ROBO3: variants seen among roughly 807,000 people sequenced by gnomAD.
The protein encoded by ROBO3 is roundabout guidance receptor 3.
A neutral mutation model predicts 160.5 loss-of-function variants in ROBO3; 97 were observed. That is an observed-to-expected ratio of 0.60 (90% CI 0.51 to 0.72). ROBO3 has a LOEUF of 0.72. Among genes scored for constraint, ROBO3 ranks in the 30% least tolerant of loss-of-function variants. The pLI is 0.00. For missense variants in ROBO3, 1,858 were observed against 1,846.5 expected, an observed-to-expected ratio of 1.01 and a Z score of -0.11; for synonymous variants, 780 against 746.2, an observed-to-expected ratio of 1.05 and a Z score of -0.74.
At chr11:124,868,387 C>A (rs1160859838) in intron 1 of ROBO3, 15 of 468,392 alleles carry the variant, frequency 3.2e-5, no homozygotes, top group Non-Finnish European at 5.4e-5. Flanking sequence ...GGTTTATGGT[C>A]TTTCACTGAG....
chr11:124,876,108 C>A lies in ROBO3; in HGVS notation c.2576C>A (p.Pro859Gln). The part of the protein sequence containing the change: ...TSAGVGVPSA[P>Q]VLVQLPSPPD... Reference sequence around the variant, plus strand: ...GCAGGCGTGGGCGTGCCCAGTGCCCCAGTGCTGGTGCAGCTGCGTGAGTCC... The same window carrying A: ...GCAGGCGTGGGCGTGCCCAGTGCCCAAGTGCTGGTGCAGCTGCGTGAGTCC... The change falls in exon 16 of 28, where the codon CCA becomes CAA. Residue 859 changes from proline (P) to glutamine (Q), a missense_variant. Coordinates refer to ENST00000397801, the MANE Select transcript of ROBO3 (RefSeq NM_022370.4). The surrounding 1 kb of genome is among the most constrained non-coding windows in gnomAD (Gnocchi z 5.3). 1 of 1,604,932 alleles carries A rather than the reference C, an allele frequency of 6.2e-7. No individual in the cohort carries two copies. Among genetic ancestry groups the A allele is most frequent in the Non-Finnish European group, 8.5e-7 (1 of 1,178,594 alleles).
Position 124,870,156 on chromosome 11 carries a change from A to G in ROBO3, c.767-9A>G. The G allele has an allele frequency of 6.2e-7, 1 of 1,613,806 alleles. No individual in the cohort carries two copies. The highest frequency in any genetic ancestry group is 8.5e-7 in the Non-Finnish European group (1 of 1,179,854). Reference sequence around the variant, plus strand: ...ACACCCTGACTGTTCACTCACTACCACTCCATAGAGCGTCCCTCATTCCTG... The same window carrying G: ...ACACCCTGACTGTTCACTCACTACCGCTCCATAGAGCGTCCCTCATTCCTG... On this transcript the variant is annotated splice_polypyrimidine_tract_variant and intron_variant, in intron 4 of 27. Transcript: ENST00000397801.
Position 124,876,379 on chromosome 11 carries a change from G to T in ROBO3, c.2698G>T (p.Ala900Ser). 6.9e-7 allele frequency: 1 copy of T among 1,445,092 alleles called. No individual in the cohort carries two copies. The highest frequency in any genetic ancestry group is 1.4e-5 in the South Asian group (1 of 71,120). 89.5% of individuals were successfully genotyped at this position (1,445,092 alleles called of 1,614,324 possible). ...EPAFLAGSGA[A>S]CGALLLGLCA... Reference sequence around the variant, plus strand: ...CGCCTTCCTCGCGGGCAGCGGCGCAGCCTGCGGGGCGCTGCTTCTCGGGCT... The same window carrying T: ...CGCCTTCCTCGCGGGCAGCGGCGCATCCTGCGGGGCGCTGCTTCTCGGGCT... Residue 900 changes from alanine (A) to serine (S), a missense_variant, in exon 17 of 28, where the codon GCC (alanine) becomes TCC (serine). Ala to Ser is a moderately conservative substitution (Grantham distance 99, BLOSUM62 1). Coordinates refer to ENST00000397801, the MANE Select transcript of ROBO3 (RefSeq NM_022370.4). This position sits in a 1 kb window ranked among gnomAD's most constrained non-coding sequence, Gnocchi z 5.3.
In ROBO3 at chr11:124,874,872, T is replaced by C. The variant is rs1159791393; in HGVS notation, c.2036T>C (p.Ile679Thr). 6.2e-7 allele frequency: 1 copy of C among 1,602,558 alleles called. No individual in the cohort carries two copies. Among genetic ancestry groups the C allele is most frequent in the Non-Finnish European group, 8.5e-7 (1 of 1,174,744 alleles). Residue 679 changes from isoleucine (I) to threonine (T), a missense_variant, in exon 13 of 28, where the codon ATA becomes ACA. Transcript: ENST00000397801. Reference sequence around the variant, plus strand: ...GTGGCTGTGCGCCTGCAGGAGCCCATAGTCCTGGGACCCCGGACCCTGCAG... The same window carrying C: ...GTGGCTGTGCGCCTGCAGGAGCCCACAGTCCTGGGACCCCGGACCCTGCAG... ...AEVAVRLQEP[I>T]VLGPRTLQVS...
At position 124,876,874 on chromosome 11, in the gene ROBO3, T is replaced by C. The variant is rs11219823; in HGVS notation, c.2780-287T>C. The C allele has an allele frequency of 0.37, 211,752 of 565,020 alleles. 43,925 individuals carry two copies. Among genetic ancestry groups the C allele is most frequent in the Non-Finnish European group, 0.45 (141,675 of 317,452 alleles). The allele number at this position is 565,020 out of a possible 1,614,324, so 35.0% of individuals were successfully genotyped here. A position where few individuals can be genotyped will look rare whatever the true frequency, so the allele number is the denominator to read the frequency against. ...GGCGGGGCCCGCTGAAAGAAGGCGA[T>C]CCGAGTTCTGCTACTTCCTAGTAAG... On this transcript the variant is annotated intron_variant, in intron 17 of 27. Coordinates refer to ENST00000397801, the MANE Select transcript of ROBO3 (RefSeq NM_022370.4). This position sits in a 1 kb window ranked among gnomAD's most constrained non-coding sequence, Gnocchi z 5.3.
chr11:124,868,979 C>G lies in ROBO3; in HGVS notation c.338C>G (p.Ala113Gly), dbSNP rs1212808083. ...RVATVREDPR[A>G]HRLLLPSGAL... is the part of the protein sequence containing the mutation. Reference sequence around the variant, plus strand: ...GCCACTGTGCGGGAGGATCCGCGTGCGCACCGCCTGCTGCTGCCCAGCGGC... The same window carrying G: ...GCCACTGTGCGGGAGGATCCGCGTGGGCACCGCCTGCTGCTGCCCAGCGGC... The change falls in exon 2 of 28, where the codon GCG becomes GGG. Residue 113 changes from alanine to glycine, a missense_variant. Transcript: ENST00000397801. 2 of 1,602,286 alleles carry G rather than the reference C, an allele frequency of 1.2e-6. No homozygotes were observed. The highest frequency in any genetic ancestry group is 1.7e-6 in the Non-Finnish European group (2 of 1,175,332).
Position 124,876,556 on chromosome 11 carries a change from T to C in ROBO3, c.2779+96T>C. The C allele has an allele frequency of 9.0e-7, 1 of 1,111,550 alleles. No individual in the cohort carries two copies. The highest frequency in any genetic ancestry group is 1.2e-6 in the Non-Finnish European group (1 of 851,814). 68.9% of individuals were successfully genotyped at this position (1,111,550 alleles called of 1,614,324 possible). On this transcript the variant is annotated intron_variant, in intron 17 of 27. Transcript: ENST00000397801. This position sits in a 1 kb window ranked among gnomAD's most constrained non-coding sequence, Gnocchi z 5.3. Reference sequence around the variant, plus strand: ...TAGCCGCTGGCGAGTGAGGACCGGGTCGGGAGAAAGGGGTCGCACCTGGAG... The same window carrying C: ...TAGCCGCTGGCGAGTGAGGACCGGGCCGGGAGAAAGGGGTCGCACCTGGAG...
At position 124,878,505 on chromosome 11, in the gene ROBO3, G is replaced by T; in HGVS notation, c.3320+69G>T. ...ACCATGGGCTGCTGGGGAGGAAGGG[G>T]AGGGGGCAGCAGGAAGGCCAACGGG... On this transcript the variant is annotated intron_variant, in intron 22 of 27. Coordinates refer to ENST00000397801, the MANE Select transcript of ROBO3 (RefSeq NM_022370.4). This position sits in a 1 kb window ranked among gnomAD's most constrained non-coding sequence, Gnocchi z 4.3. 1 of 1,601,494 alleles carries T rather than the reference G, an allele frequency of 6.2e-7. No homozygotes were observed. The highest frequency in any genetic ancestry group is 8.5e-7 in the Non-Finnish European group (1 of 1,172,034).
intron 27 of ROBO3, 60 bp downstream of exon 27, chr11:124,880,668 C>T (rs529816004): frequency 1.2e-5 from 17 of 1,451,668 alleles, no homozygotes; most frequent in African/African-American, 1.0e-4. Context: ...TGGACCAAGG[C>T]GTAATGGAAA....
rs377060819 is a variant in ROBO3 at position 124,872,393 on chromosome 11, C to T, written c.1171C>T (p.Pro391Ser). 6.2e-7 allele frequency: 1 copy of T among 1,613,982 alleles called. No individual in the cohort carries two copies. The highest frequency in any genetic ancestry group is 8.5e-7 in the Non-Finnish European group (1 of 1,179,890). Reference sequence around the variant, plus strand: ...GCTCTGTCCCCAGGTCCTGCTTTTCCCCAGTCAGTCACTTCAGCCGACGGG... The same window carrying T: ...GCTCTGTCCCCAGGTCCTGCTTTTCTCCAGTCAGTCACTTCAGCCGACGGG... The part of the protein sequence containing the change: ...QKEGSQVLLF[P>S]SQSLQPTGRF... Residue 391 changes from proline (P) to serine (S), a missense_variant, in exon 8 of 28, where the codon CCC becomes TCC. Physicochemically the swap from Pro to Ser is moderately conservative, Grantham distance 74 (BLOSUM62 -1). Transcript: ENST00000397801. The surrounding 1 kb of genome is among the most constrained non-coding windows in gnomAD (Gnocchi z 4.3).
Position 124,869,429 on chromosome 11 carries a change from G to GCCCCCCCCCCCCCCCCCCCCCCCCTCCCC in ROBO3, c.488-15_488-14insCCCCCCCCCCCCCCCCCCTCCCCCCCCCC. 1 of 1,295,762 alleles carries GCCCCCCCCCCCCCCCCCCCCCCCCTCCCC rather than the reference G, an allele frequency of 7.7e-7. No individual in the cohort carries two copies. The highest frequency in any genetic ancestry group is 2.4e-5 in the East Asian group (1 of 41,250). The allele number at this position is 1,295,762 out of a possible 1,614,324, so 80.3% of individuals were successfully genotyped here. Reference sequence around the variant, plus strand: ...TGTCACTCTACACCCTGCTTATTTCGCCCCCCACCGCCCCGCCCAGTCCTC... The same window carrying GCCCCCCCCCCCCCCCCCCCCCCCCTCCCC: ...TGTCACTCTACACCCTGCTTATTTCGCCCCCCCCCCCCCCCCCCCCCCCCTCCCCCCCCCCACCGCCCCGCCCAGTCCTC... On this transcript the variant is annotated intron_variant, in intron 2 of 27. Transcript: ENST00000397801. This position sits in a 1 kb window ranked among gnomAD's most constrained non-coding sequence, Gnocchi z 4.2.
chr11:124,869,430 C>G lies in ROBO3; in HGVS notation c.488-20C>G, dbSNP rs1380147918. On this transcript the variant is annotated intron_variant, in intron 2 of 27. Coordinates refer to ENST00000397801, the MANE Select transcript of ROBO3 (RefSeq NM_022370.4). This position sits in a 1 kb window ranked among gnomAD's most constrained non-coding sequence, Gnocchi z 4.2. Reference sequence around the variant, plus strand: ...GTCACTCTACACCCTGCTTATTTCGCCCCCCACCGCCCCGCCCAGTCCTCC... The same window carrying G: ...GTCACTCTACACCCTGCTTATTTCGGCCCCCACCGCCCCGCCCAGTCCTCC... The G allele has an allele frequency of 3.3e-6, 4 of 1,229,898 alleles. No individual in the cohort carries two copies. The South Asian group carries it at 5.1e-5, about 16-fold the overall frequency. 76.2% of individuals were successfully genotyped at this position (1,229,898 alleles called of 1,614,324 possible).
At position 124,870,706 on chromosome 11, in the gene ROBO3, A is replaced by T; in HGVS notation, c.1011A>T (p.Ala337=). 1.2e-6 allele frequency: 2 copies of T among 1,612,224 alleles called. No individual in the cohort carries two copies. Among genetic ancestry groups the T allele is most frequent in the Non-Finnish European group, 1.7e-6 (2 of 1,179,274 alleles). The change falls in exon 6 of 28, where the codon GCA becomes GCT. Residue 337 remains alanine (A), a synonymous_variant. Coordinates refer to ENST00000397801, the MANE Select transcript of ROBO3 (RefSeq NM_022370.4). ...AGAACAGTGTGGGCCGCGCTGAAGC[A>T]TCTGGCTCCCTCAGTGTTCACGGTG... ...VAENSVGRAE[A]SGSLSVHVPP... is the part of the protein sequence containing the mutation.
chr11:124,875,038 G>GGGCCTGGAT, intron 13 of ROBO3, 73 bp from the exon 14 acceptor site: 3 of 1,513,418 alleles, frequency 2.0e-6, no homozygotes, highest in Non-Finnish European at 2.7e-6. Context: ...AGGAGGGGCT[G>GGGCCTGGAT]GGCCTGGATG....
In ROBO3 at chr11:124,873,119, T is replaced by C. The variant is rs754116078; in HGVS notation, c.1536+30T>C. The C allele has an allele frequency of 6.3e-7, 1 of 1,594,532 alleles. No individual in the cohort carries two copies. The highest frequency in any genetic ancestry group is 1.1e-5 in the South Asian group (1 of 89,270). ...GTGTCACCCCTGGGGCCCTAGTAGC[T>C]GAGAATGGCTATCTGCTCCACGTTC... On this transcript the variant is annotated intron_variant, in intron 9 of 27. Coordinates refer to ENST00000397801, the MANE Select transcript of ROBO3 (RefSeq NM_022370.4). This position sits in a 1 kb window ranked among gnomAD's most constrained non-coding sequence, Gnocchi z 4.5.
At chr11:124,880,223 G>A (rs546480038) in intron 26 of ROBO3, among the ~76,000 whole-genome samples, 195 bp from the exon 27 acceptor site, 299 of 152,280 alleles carry the variant, frequency 2.0e-3, no homozygotes, top group African/African-American at 6.7e-3. Flanking sequence ...GAGCTCCCCC[G>A]CAGCGTTCTG....
chr11:124,870,575 C>G, intron 5 of ROBO3, 26 bp from the exon 6 acceptor site: 1 of 1,613,492 alleles, frequency 6.2e-7, no homozygotes, highest in African/African-American at 1.3e-5. Flanking sequence ...TGTGGCCAAC[C>G]CAGCCTGGGG....
rs1259399379 is a variant in ROBO3 at position 124,877,574 on chromosome 11, C to T, written c.2902C>T (p.His968Tyr). The change falls in exon 20 of 28, where the codon CAC becomes TAC. Residue 968 changes from histidine to tyrosine, a missense_variant. By Grantham distance (83) the His-to-Tyr change is moderately conservative (BLOSUM62 2). Transcript: ENST00000397801. ...PYSWLADSWP[H>Y]PSRSPSAQEP... ...CTCATGGCTGGCAGATTCGTGGCCC[C>T]ACCCATCTCGAAGCCCCTCGGCCCA... 1 of 1,603,390 alleles carries T rather than the reference C, an allele frequency of 6.2e-7. No individual in the cohort carries two copies. Among genetic ancestry groups the T allele is most frequent in the African/African-American group, 1.3e-5 (1 of 74,658 alleles).
intron 19 of ROBO3, 51 bp from the exon 20 acceptor site, chr11:124,877,468 T>C: frequency 6.2e-7 from 1 of 1,600,538 alleles, no homozygotes; most frequent in Non-Finnish European, 8.5e-7. Flanking sequence ...CCCTTTCCTT[T>C]GCTGGCCTCT....
Sources: gnomAD v4.1 joint callset for allele counts (sites outside exome capture counted in the v4.1 genomes callset) on GRCh38, gnomAD v4.1.1 for gene constraint, Gnocchi (gnomAD v3.1) non-coding constraint, MANE v1.5 for transcripts, NCBI Gene and HGNC (gene_info 2026-07-23, HGNC 2026-07-21) for gene names.